The following SYBU variants were observed in gnomAD, a reference collection of about 807,000 sequenced individuals.
The protein encoded by SYBU is syntabulin, also known as GOLSYN A protein.
SYBU carries 21 observed loss-of-function variants against 35.9 expected under a neutral mutation model. That is an observed-to-expected ratio of 0.58 (90% CI 0.41 to 0.84). The LOEUF is 0.84. SYBU is among the 40% of genes least tolerant of loss of function. SYBU has a pLI of 0.00. For missense variants in SYBU, 768 were observed against 848.2 expected, an observed-to-expected ratio of 0.91 and a Z score of 1.17; for synonymous variants, 319 against 324.3, an observed-to-expected ratio of 0.98 and a Z score of 0.18.
intron 4 of SYBU, among the ~76,000 whole-genome samples, chr8:109,585,562 A>C (rs1396466259): frequency 2.0e-5 from 3 of 152,192 alleles, no homozygotes; most frequent in African/African-American, 7.2e-5. Flanking sequence ...CACCATGCCT[A>C]TGAACGTTAC....
chr8:109,637,504 G>A (rs1351609345), intron 2 of SYBU, among the ~76,000 whole-genome samples: 1 of 152,148 alleles, frequency 6.6e-6, no homozygotes, highest in Admixed American at 6.6e-5. Context: ...CTTCTGTGGT[G>A]AGGCTGCTAA....
At chr8:109,669,987 G>T (rs981847091) in intron 1 of SYBU, among the ~76,000 whole-genome samples, 1 of 152,068 alleles carries the variant, frequency 6.6e-6, no homozygotes, top group Non-Finnish European at 1.5e-5. Flanking sequence ...GGTCAGTAAT[G>T]GTAACAGAAT....
intron 3 of SYBU, among the ~76,000 whole-genome samples, chr8:109,603,637 GA>G (rs1229492864): frequency 6.6e-6 from 1 of 152,070 alleles, no homozygotes; most frequent in Non-Finnish European, 1.5e-5. Flanking sequence ...AGAGTATTAC[GA>G]AAAATAAATC....
intron 2 of SYBU, among the ~76,000 whole-genome samples, chr8:109,628,471 C>T (rs1313466277): frequency 6.6e-6 from 1 of 151,926 alleles, no homozygotes; most frequent in African/African-American, 2.4e-5. Flanking sequence ...TAACTGGGAC[C>T]AAAGATGTGT....
chr8:109,679,997 C>A (rs569198621), intron 1 of SYBU, among the ~76,000 whole-genome samples: 1 of 152,280 alleles, frequency 6.6e-6, no homozygotes, highest in South Asian at 2.1e-4. Flanking sequence ...ATAAATAATA[C>A]AACACATTTA....
chr8:109,627,410 T>C (rs1385463586), intron 2 of SYBU, among the ~76,000 whole-genome samples: 1 of 152,204 alleles, frequency 6.6e-6, no homozygotes, highest in Non-Finnish European at 1.5e-5. Flanking sequence ...ATAAACCAGG[T>C]GAAATTCTTA....
intron 1 of SYBU, among the ~76,000 whole-genome samples, chr8:109,658,074 A>G (rs13268243): frequency 0.31 from 47,412 of 152,000 alleles, 8,730 homozygotes; most frequent in East Asian, 0.52. Context: ...ACCATACAAA[A>G]TCCCTTTCTT....
At chr8:109,604,011 A>G (rs181610531) in intron 3 of SYBU, among the ~76,000 whole-genome samples, 67 of 152,350 alleles carry the variant, frequency 4.4e-4, no homozygotes, top group African/African-American at 1.5e-3. Flanking sequence ...GTATTTATAA[A>G]GAAATAAGGG....
At chr8:109,637,652 A>C (rs1249214438) in intron 2 of SYBU, among the ~76,000 whole-genome samples, 1 of 152,090 alleles carries the variant, frequency 6.6e-6, no homozygotes, top group Non-Finnish European at 1.5e-5. Context: ...AGCTCACTTC[A>C]CTTTAAGCAG....
At chr8:109,634,421 G>C (rs978029770) in intron 2 of SYBU, among the ~76,000 whole-genome samples, 3 of 152,204 alleles carry the variant, frequency 2.0e-5, no homozygotes, top group African/African-American at 7.2e-5. Flanking sequence ...ATTTAATAGA[G>C]TACTGAGTAC....
At chr8:109,643,258 A>G (rs1251976933) in intron 1 of SYBU, 20 of 918,880 alleles carry the variant, frequency 2.2e-5, no homozygotes, top group Non-Finnish European at 2.6e-5. Flanking sequence ...GACTTCTATC[A>G]CATTCAAGCT....
intron 1 of SYBU, among the ~76,000 whole-genome samples, chr8:109,676,469 C>T (rs543354339): frequency 6.6e-6 from 1 of 152,272 alleles, no homozygotes; most frequent in East Asian, 1.9e-4. Flanking sequence ...GTGCAAAAAT[C>T]ACAAGCATTC....
intron 1 of SYBU, among the ~76,000 whole-genome samples, chr8:109,677,634 A>G (rs1425763154): frequency 6.6e-6 from 1 of 152,174 alleles, no homozygotes; most frequent in African/African-American, 2.4e-5. Flanking sequence ...TTAAATACCC[A>G]CTGTATGTGA....
chr8:109,608,691 T>C (rs902193071), intron 3 of SYBU, among the ~76,000 whole-genome samples: 4 of 152,234 alleles, frequency 2.6e-5, no homozygotes, highest in Admixed American at 1.3e-4. Flanking sequence ...ATAAGACTAA[T>C]GCAGATGAGA....
chr8:109,681,425 A>T (rs964217304), upstream of SYBU, among the ~76,000 whole-genome samples: 15 of 152,226 alleles, frequency 9.9e-5, no homozygotes, highest in Admixed American at 9.2e-4. Flanking sequence ...ATTTTAAAGT[A>T]TAGGAAAAAT....
chr8:109,615,785 T>C (rs1811667283), intron 3 of SYBU, among the ~76,000 whole-genome samples: 1 of 152,010 alleles, frequency 6.6e-6, no homozygotes, highest in Non-Finnish European at 1.5e-5. Flanking sequence ...TGAACTAGGA[T>C]TCATAAATGC....
chr8:109,691,063 T>A lies in SYBU; in HGVS notation c.-58+270A>T, dbSNP rs756187667. On this transcript the variant is annotated intron_variant, in intron 1 of 7. Coordinates refer to the SYBU transcript ENST00000422135. This position sits in a 1 kb window ranked among gnomAD's most constrained non-coding sequence, Gnocchi z 4.7. Reference sequence around the variant, plus strand: ...TAATCTTGCTCGTTGCAACAAGGAGTCCAGCCCGACCGTCTCAACAACCAA... The same window carrying A: ...TAATCTTGCTCGTTGCAACAAGGAGACCAGCCCGACCGTCTCAACAACCAA... 1.3e-5 allele frequency among the ~76,000 whole-genome samples: 2 copies of A among 151,752 alleles called. No homozygotes were observed. The highest frequency in any genetic ancestry group is 2.4e-5 in the African/African-American group (1 of 41,292).
rs1440720921 is a variant in SYBU, at chr8:109,655,515, C to T, written c.-129+25196G>A. On this transcript the variant is annotated intron_variant, in intron 1 of 5. Transcript: ENST00000408889. ...TGAAAGGCTTCTGCCAAAGAAAATA[C>T]ATACATTTCATCCTATGTATTATAA... is the stretch of plus-strand genomic sequence containing the variant. Among the ~76,000 whole-genome samples, 9 of 152,184 alleles carry T rather than the reference C, an allele frequency of 5.9e-5. 1 individual carries two copies. The East Asian group carries it at 1.7e-3, about 29-fold the overall frequency.
At chr8:109,670,871 G>C (rs1816953887) in intron 1 of SYBU, among the ~76,000 whole-genome samples, 1 of 152,096 alleles carries the variant, frequency 6.6e-6, no homozygotes, top group African/African-American at 2.4e-5. Context: ...GGGAAGGAGG[G>C]AGGGAGGGAG....
Sources: allele counts gnomAD v4.1 joint callset (sites outside exome capture counted in the v4.1 genomes callset), GRCh38; gene constraint gnomAD v4.1.1; non-coding constraint Gnocchi (gnomAD v3.1); transcripts MANE v1.5; gene names NCBI Gene and HGNC (gene_info 2026-07-23, HGNC 2026-07-21).